The following RARB variants were observed in gnomAD, a reference collection of about 807,000 sequenced individuals.
RARB encodes retinoic acid receptor beta, also known as HBV-activated protein.
Under a neutral mutation model 51.9 loss-of-function variants are expected in RARB, and 17 were observed. The ratio of observed to expected loss-of-function variants is 0.33; its 90% CI spans 0.22 to 0.49. RARB has a LOEUF of 0.49. Among genes scored for constraint, RARB ranks in the 20% least tolerant of loss-of-function variants. RARB has a pLI of 0.99. For missense variants in RARB, 369 were observed against 550.8 expected, an observed-to-expected ratio of 0.67 and a Z score of 3.30; for synonymous variants, 215 against 195.4, an observed-to-expected ratio of 1.10 and a Z score of -0.84.
chr3:25,378,970 A>T (rs2125477625), intron 5 of RARB, among the ~76,000 whole-genome samples: 1 of 152,370 alleles, frequency 6.6e-6, no homozygotes, highest in South Asian at 2.1e-4. Context: ...CCTCTGTGTG[A>T]TGGCATCTTC....
rs144394835 is a variant in RARB at position 25,066,317 on chromosome 3, A to C, written c.-328+6141A>C. 4.8e-3 allele frequency among the ~76,000 whole-genome samples: 729 copies of C among 152,326 alleles called. 6 individuals are homozygous for C. The highest frequency in any genetic ancestry group is 0.016 in the African/African-American group (670 of 41,578). ...GTCAATGTCTGGTACTCATCAGGAA[A>C]GATTGTGGACTGAGTTAAAATTCAG... On this transcript the variant is annotated intron_variant, in intron 3 of 11. Coordinates refer to the RARB transcript ENST00000383772.
chr3:25,445,610 T>C (rs1708895531), intron 1 of RARB, among the ~76,000 whole-genome samples: 1 of 152,026 alleles, frequency 6.6e-6, no homozygotes, highest in African/African-American at 2.4e-5. Flanking sequence ...GGGGTTGCAG[T>C]GAGCCGAGGT....
chr3:25,132,928 C>T (rs577165131), intron 4 of RARB, among the ~76,000 whole-genome samples: 1 of 111,074 alleles, frequency 9.0e-6, no homozygotes, highest in South Asian at 2.5e-4. Flanking sequence ...GGACTTACTC[C>T]ATATTTAACT....
intron 2 of RARB, among the ~76,000 whole-genome samples, chr3:24,987,020 G>A (rs747674254): frequency 1.3e-5 from 2 of 151,960 alleles, no homozygotes; most frequent in Admixed American, 6.6e-5. Context: ...AAAAAATACG[G>A]GTTTGAAAAC....
chr3:24,953,061 G>T (rs748479754), intron 2 of RARB, among the ~76,000 whole-genome samples: 3 of 152,116 alleles, frequency 2.0e-5, no homozygotes, highest in Non-Finnish European at 4.4e-5. Context: ...ACTCCATTTA[G>T]CTGTTATATC....
intron 4 of RARB, among the ~76,000 whole-genome samples, chr3:25,147,342 T>A (rs891450113): frequency 6.6e-5 from 10 of 152,098 alleles, no homozygotes; most frequent in Admixed American, 5.2e-4. Flanking sequence ...ATCCTGTGAG[T>A]TCATCCATGT....
upstream of RARB, among the ~76,000 whole-genome samples, chr3:25,426,214 T>C (rs1025011426): frequency 2.0e-5 from 3 of 152,250 alleles, no homozygotes; most frequent in Admixed American, 2.0e-4. Context: ...CTGTGTTCTC[T>C]TGCTTAAAAT....
At chr3:24,884,874 G>A (rs536558233) in intron 2 of RARB, among the ~76,000 whole-genome samples, 4 of 152,098 alleles carry the variant, frequency 2.6e-5, no homozygotes, top group African/African-American at 9.7e-5. Flanking sequence ...GATGTGATGT[G>A]ACTGTCAAAT....
intron 3 of RARB, among the ~76,000 whole-genome samples, chr3:25,089,455 G>T (rs1390247204): frequency 6.7e-6 from 1 of 149,592 alleles, no homozygotes; most frequent in Non-Finnish European, 1.5e-5. Context: ...ACCAAAGAGA[G>T]TTGAAAGCAT....
At chr3:24,848,234 A>AT (rs1247894318) in intron 1 of RARB, among the ~76,000 whole-genome samples, 7 of 151,972 alleles carry the variant, frequency 4.6e-5, no homozygotes, top group African/African-American at 1.7e-4. Context: ...TAATTTTTGT[A>AT]TTTTTGGTAG....
chr3:25,297,929 G>A (rs1254038197), intron 5 of RARB, among the ~76,000 whole-genome samples: 1 of 152,144 alleles, frequency 6.6e-6, no homozygotes, highest in African/African-American at 2.4e-5. Flanking sequence ...TCACTTATGT[G>A]TGTGTGTATA....
intron 2 of RARB, among the ~76,000 whole-genome samples, chr3:24,899,359 C>T (rs73047672): frequency 2.6e-5 from 4 of 152,094 alleles, no homozygotes; most frequent in Admixed American, 1.3e-4. Context: ...GGAGTGGATT[C>T]GGCAGCCTAG....
chr3:25,198,086 A>G (rs1192716616), intron 5 of RARB, among the ~76,000 whole-genome samples: 3 of 152,130 alleles, frequency 2.0e-5, no homozygotes, highest in East Asian at 1.9e-4. Flanking sequence ...ATATAGACCT[A>G]TGGAACAGAA....
rs551090480 is a variant in RARB at position 25,294,807 on chromosome 3, G to A, written c.178+120232G>A. Among the ~76,000 whole-genome samples, 8 of 150,492 alleles carry A rather than the reference G, an allele frequency of 5.3e-5. No homozygotes were observed. The East Asian group carries it at 1.4e-3, about 26-fold the overall frequency. On this transcript the variant is annotated intron_variant, in intron 5 of 11. Coordinates refer to the RARB transcript ENST00000383772. ...GTTTCTGTAAAAGAAGAGAGAGGAG[G>A]AAGAGGGAGTGGAGGGGGGAAGGAA...
chr3:25,087,388 A>G (rs1343284306), intron 3 of RARB, among the ~76,000 whole-genome samples: 1 of 152,104 alleles, frequency 6.6e-6, no homozygotes, highest in Non-Finnish European at 1.5e-5. Flanking sequence ...CCCAAAAGTG[A>G]GGTTAGGTGT....
chr3:25,013,000 G>T (rs553889626), intron 2 of RARB, among the ~76,000 whole-genome samples: 1 of 152,106 alleles, frequency 6.6e-6, no homozygotes, highest in Non-Finnish European at 1.5e-5. Context: ...AAACCTACTT[G>T]GTGTCTATGG....
intron 2 of RARB, among the ~76,000 whole-genome samples, chr3:24,990,495 A>G (rs1696886962): frequency 9.4e-6 from 1 of 106,704 alleles, no homozygotes; most frequent in Admixed American, 1.2e-4. Context: ...AGTTTGTTTT[A>G]TTTTTATATT....
At chr3:25,208,691 G>A (rs1701620455) in intron 5 of RARB, among the ~76,000 whole-genome samples, 1 of 151,912 alleles carries the variant, frequency 6.6e-6, no homozygotes, top group South Asian at 2.1e-4. Flanking sequence ...GTCTCCTTTT[G>A]TTATTTGTTT....
intron 5 of RARB, among the ~76,000 whole-genome samples, chr3:25,584,396 A>G (rs1183865646): frequency 6.6e-6 from 1 of 152,148 alleles, no homozygotes; most frequent in African/African-American, 2.4e-5. Context: ...GGAGCACAAC[A>G]AAGGAGGGCT....
Sources: allele counts gnomAD v4.1 joint callset (sites outside exome capture counted in the v4.1 genomes callset), GRCh38; gene constraint gnomAD v4.1.1; transcripts MANE v1.5; gene names NCBI Gene and HGNC (gene_info 2026-07-23, HGNC 2026-07-21).